Variants in MRE11 observed in about 807,000 individuals in gnomAD.
The protein encoded by MRE11 is MRE11 double strand break repair nuclease, also known as double-strand break repair protein MRE11.
A neutral mutation model predicts 91.7 loss-of-function variants in MRE11; 62 were observed. The observed-to-expected ratio is 0.68, with a 90% CI of 0.55 to 0.84. The LOEUF is 0.84. Among genes scored for constraint, MRE11 ranks in the 40% least tolerant of loss-of-function variants. The probability of loss-of-function intolerance (pLI) is 0.00; values close to 1 mark genes in which losing one functional copy is unlikely to be tolerated. For missense variants in MRE11, 796 were observed against 852.9 expected (o/e 0.93, Z 0.83); for synonymous variants, 273 against 271.4 (o/e 1.01, Z -0.06).
chr11:94,489,480 T>C (rs1197257828), intron 3 of MRE11, among the ~76,000 whole-genome samples: 1 of 152,130 alleles, frequency 6.6e-6, no homozygotes, highest in East Asian at 1.9e-4. Flanking sequence ...TGATTTATTA[T>C]TTTAAAAGTT....
rs1466570443 is a variant in MRE11, at chr11:94,490,771, G to GA, written c.153+61dup. The GA allele has an allele frequency of 5.0e-6, 8 of 1,584,484 alleles. No homozygotes were observed. In the African/African-American group the frequency reaches 9.4e-5, roughly 19 times the overall value. On this transcript the variant is annotated intron_variant, in intron 3 of 19. Coordinates refer to ENST00000323929, the MANE Select transcript of MRE11 (RefSeq NM_005591.4). ...TAAAACAAATCTCTAACTTTAGAAG[G>GA]AAAAATAACTTGTTAACCAAGGGAA...
At chr11:94,475,581 C>T in intron 7 of MRE11, 1 of 455,646 alleles carries the variant, frequency 2.2e-6, no homozygotes, top group South Asian at 1.6e-5. Context: ...ATAAATCTTG[C>T]TTCTTCAAGT....
At chr11:94,446,897 C>T (rs558716460) in intron 15 of MRE11, among the ~76,000 whole-genome samples, 1 of 152,254 alleles carries the variant, frequency 6.6e-6, no homozygotes, top group East Asian at 1.9e-4. Context: ...CTCATATTTG[C>T]CTATTACTTT....
At position 94,464,300 on chromosome 11, in the gene MRE11, C is replaced by T. The variant is rs566968912; in HGVS notation, c.1099-61G>A. On this transcript the variant is annotated intron_variant, in intron 10 of 19. Transcript: ENST00000323929. The stretch of plus-strand genomic sequence containing the variant: ...CAACAATTTGCCAATTTTTAAAACA[C>T]ACACTAATCCTTCAGTATTCACAGT... 4 of 1,600,804 alleles carry T rather than the reference C, an allele frequency of 2.5e-6. No individual in the cohort carries two copies. The African/African-American group carries it at 4.0e-5, about 16-fold the overall frequency.
At chr11:94,420,941 A>C (rs1399997018) in intron 19 of MRE11, among the ~76,000 whole-genome samples, 1 of 152,082 alleles carries the variant, frequency 6.6e-6, no homozygotes, top group Non-Finnish European at 1.5e-5. Flanking sequence ...CTGAGGCAGG[A>C]GAATGGCGTG....
At chr11:94,441,977 CAAAAAAAAA>C (rs35673778) in intron 16 of MRE11, among the ~76,000 whole-genome samples, 2 of 48,224 alleles carry the variant, frequency 4.1e-5, no homozygotes, top group African/African-American at 7.7e-5. Context: ...GACTCTGTCT[CAAAAAAAAA>C]AAAAAAAAAA....
At chr11:94,487,921 G>A (rs1947183701) in intron 3 of MRE11, among the ~76,000 whole-genome samples, 1 of 152,216 alleles carries the variant, frequency 6.6e-6, no homozygotes, top group South Asian at 2.1e-4. Context: ...ACTGGTTAGT[G>A]GGCATGGGCC....
In MRE11 at chr11:94,464,240, C is replaced by G. The variant is rs1164043919; in HGVS notation, c.1099-1G>C. 1 of 1,613,708 alleles carries G rather than the reference C, an allele frequency of 6.2e-7. No individual in the cohort carries two copies. The highest frequency in any genetic ancestry group is 1.7e-5 in the Admixed American group (1 of 59,998). On this transcript the variant is annotated splice_acceptor_variant, in intron 10 of 19. Transcript: ENST00000323929. LOFTEE classifies it high-confidence loss of function. ...GTTCAAAACCTCCACTATAGTCCAC[C>G]TGAAAACACAGAATAATCTATGAAC...
At chr11:94,449,245 G>A (rs1461320380) in intron 14 of MRE11, among the ~76,000 whole-genome samples, 1 of 152,128 alleles carries the variant, frequency 6.6e-6, no homozygotes, top group Non-Finnish European at 1.5e-5. Flanking sequence ...TGAAATCACA[G>A]CTAACTCACT....
At chr11:94,498,273 C>G (rs747183183), upstream of MRE11, 19 of 1,614,010 alleles carry the variant, frequency 1.2e-5, no homozygotes, top group East Asian at 3.6e-4. Flanking sequence ...TGGAATAATA[C>G]CAGAGTGGCT....
Position 94,467,901 on chromosome 11 carries a change from T to G in MRE11, c.1018-8A>C. 2.5e-6 allele frequency: 4 copies of G among 1,612,348 alleles called. No homozygotes were observed. The highest frequency in any genetic ancestry group is 3.4e-6 in the Non-Finnish European group (4 of 1,178,780). On this transcript the variant is annotated splice_polypyrimidine_tract_variant and splice_region_variant and intron_variant, in intron 9 of 19. Transcript: ENST00000323929. ...TTCAAGCATTTCTTCAATCTCAAAA[T>G]TTTTAAAAAGATTAAAAAACAACGT...
chr11:94,463,445 G>A (rs1018768233), intron 11 of MRE11, among the ~76,000 whole-genome samples: 3 of 152,102 alleles, frequency 2.0e-5, no homozygotes, highest in Non-Finnish European at 4.4e-5. Context: ...ATACCCAAAG[G>A]ATTATAAATC....
intron 19 of MRE11, among the ~76,000 whole-genome samples, chr11:94,426,365 C>T (rs1357976586): frequency 6.6e-6 from 1 of 150,448 alleles, no homozygotes; most frequent in Non-Finnish European, 1.5e-5. Context: ...AGGGATGCAG[C>T]TAAAACTGTT....
chr11:94,454,285 G>C (rs1454303193), intron 14 of MRE11, among the ~76,000 whole-genome samples: 2 of 151,966 alleles, frequency 1.3e-5, no homozygotes, highest in East Asian at 3.9e-4. Flanking sequence ...TGTTGCCCAG[G>C]CTGGTCTCAA....
chr11:94,498,052 T>A, upstream of MRE11: 1 of 1,535,812 alleles, frequency 6.5e-7, no homozygotes, highest in Non-Finnish European at 8.8e-7. Context: ...GTTGAAAGAT[T>A]TCTTTTTTTT....
chr11:94,469,703 T>A (rs929933011), intron 9 of MRE11, among the ~76,000 whole-genome samples: 1 of 152,142 alleles, frequency 6.6e-6, no homozygotes, highest in African/African-American at 2.4e-5. Flanking sequence ...ACTACTCACA[T>A]ATAGTATTGT....
chr11:94,450,860 A>G (rs184543472), intron 14 of MRE11, among the ~76,000 whole-genome samples: 1 of 152,358 alleles, frequency 6.6e-6, no homozygotes, highest in East Asian at 1.9e-4. Context: ...ACAAAAACAC[A>G]TTAGAATGAA....
chr11:94,481,021 G>C lies in MRE11; in HGVS notation c.315-1260C>G, dbSNP rs115700686. ...GAGTGAAATCAAACTTTTAAAAATA[G>C]GTTTAGGCCGGATGCGGTGGCTCAC... is the stretch of plus-strand genomic sequence containing the variant. On this transcript the variant is annotated intron_variant, in intron 4 of 19. Coordinates refer to ENST00000323929, the MANE Select transcript of MRE11 (RefSeq NM_005591.4). 6.1e-3 allele frequency among the ~76,000 whole-genome samples: 926 copies of C among 152,220 alleles called. 5 individuals carry two copies. Among genetic ancestry groups the C allele is most frequent in the African/African-American group, 0.02 (838 of 41,546 alleles).
At position 94,492,778 on chromosome 11, in the gene MRE11, T is replaced by G; in HGVS notation, c.20+4A>C. On this transcript the variant is annotated splice_donor_region_variant and intron_variant, in intron 2 of 19. Coordinates refer to ENST00000323929, the MANE Select transcript of MRE11 (RefSeq NM_005591.4). Reference sequence around the variant, plus strand: ...ACAAGGGATTCCAGAAGTCAGGTGCTTACAGTGCATCTGCAGTACTCATTT... The same window carrying G: ...ACAAGGGATTCCAGAAGTCAGGTGCGTACAGTGCATCTGCAGTACTCATTT... The G allele has an allele frequency of 6.2e-7, 1 of 1,614,052 alleles. No homozygotes were observed. The highest frequency in any genetic ancestry group is 1.1e-5 in the South Asian group (1 of 91,080).
Sources: allele counts gnomAD v4.1 joint callset (sites outside exome capture counted in the v4.1 genomes callset), GRCh38; gene constraint gnomAD v4.1.1; transcripts MANE v1.5; gene names NCBI Gene and HGNC (gene_info 2026-07-23, HGNC 2026-07-21).